Variants in SAMD11 observed in about 807,000 individuals in gnomAD.
SAMD11 encodes the protein sterile alpha motif domain containing 11.
SAMD11 carries 77 observed loss-of-function variants against 64.4 expected under a neutral mutation model. The observed-to-expected ratio is 1.20, with a 90% confidence interval of 0.99 to 1.44. The LOEUF (loss-of-function observed/expected upper bound fraction) is 1.44, where lower values mean the gene tolerates loss of function less well. Ranked by LOEUF, SAMD11 falls within the 40% of genes most tolerant of loss-of-function variation. SAMD11 has a pLI of 0.00. For synonymous variants in SAMD11, 658 were observed against 421.9 expected, an observed-to-expected ratio of 1.56 and a Z score of -6.86; for missense variants, 1,402 against 943.3, an observed-to-expected ratio of 1.49 and a Z score of -6.37.
In SAMD11 at chr1:944,001, C is replaced by T. The variant is rs116362966; in HGVS notation, c.2383C>T (p.Leu795Phe). 8.5e-4 allele frequency: 1,370 copies of T among 1,612,864 alleles called. 18 individuals are homozygous for T. In the African/African-American group the frequency reaches 0.015, roughly 17 times the overall value. Residue 795 changes from leucine (L) to phenylalanine (F), a missense_variant, in exon 14 of 14, where the codon CTC (leucine) becomes TTC (phenylalanine). By Grantham distance (22) the Leu-to-Phe change is conservative. Transcript: ENST00000616016. ...PPTLRAPERE[L>F]GTGEQPLSPT... ...AACCCTGCGGGCCCCGGAGCGAGAA[C>T]TCGGCACAGGAGAGCAGCCCTTGTC...
chr1:928,346 T>C (rs1015151362), intron 2 of SAMD11, among the ~76,000 whole-genome samples: 3 of 152,298 alleles, frequency 2.0e-5, no homozygotes, highest in East Asian at 3.9e-4. Context: ...GAGCCCAGAT[T>C]GTGCCACCGC....
chr1:935,597 C>T (rs890151972), intron 4 of SAMD11, among the ~76,000 whole-genome samples, 175 bp from the exon 5 acceptor site: 1 of 152,198 alleles, frequency 6.6e-6, no homozygotes, highest in Non-Finnish European at 1.5e-5. Flanking sequence ...TCGGGTGCTG[C>T]GTGGGTGTGC....
intron 2 of SAMD11, among the ~76,000 whole-genome samples, chr1:927,041 G>A (rs1038413180): frequency 6.6e-6 from 1 of 152,172 alleles, no homozygotes; most frequent in African/African-American, 2.4e-5. Flanking sequence ...CTGTGAAGAC[G>A]GCTGGTCCCT....
rs572231928 is a variant in SAMD11 at position 928,990 on chromosome 1, G to A, written c.610-1165G>A. ...TCTGAGGAGACCCTGGTGACTGAAC[G>A]GAGGAGGGAGTGAGTTAGACGCTCT... On this transcript the variant is annotated intron_variant, in intron 2 of 13. Transcript: ENST00000616016. 3.3e-4 allele frequency among the ~76,000 whole-genome samples: 51 copies of A among 152,334 alleles called. 1 individual carries two copies. The South Asian group carries it at 8.7e-3, about 26-fold the overall frequency.
In SAMD11 at chr1:934,945, G is replaced by C. The variant is rs555085833; in HGVS notation, c.843-827G>C. Among the ~76,000 whole-genome samples, 68 of 142,022 alleles carry C rather than the reference G, an allele frequency of 4.8e-4. 5 individuals carry two copies. The highest frequency in any genetic ancestry group is 1.0e-3 in the African/African-American group (37 of 37,078). 93.2% of individuals were successfully genotyped at this position (142,022 alleles called of 152,430 possible). ...TTACAGGTGGGCGGGGGGGGCGGCTGCGTTACAGGTGGGCGGGCGGTGCTG... is the reference window on the plus strand; with the variant it reads ...TTACAGGTGGGCGGGGGGGGCGGCTCCGTTACAGGTGGGCGGGCGGTGCTG... On this transcript the variant is annotated intron_variant, in intron 4 of 13. Coordinates refer to ENST00000616016, the MANE Select transcript of SAMD11 (RefSeq NM_001385641.1).
intron 9 of SAMD11, 42 bp from the exon 10 acceptor site, chr1:942,368 G>GCCTCGGAC: frequency 8.0e-7 from 1 of 1,252,608 alleles, no homozygotes; most frequent in Non-Finnish European, 1.1e-6. Flanking sequence ...GGCTCGGACC[G>GCCTCGGAC]CCTCGGACCC....
Position 943,827 on chromosome 1 carries a change from A to G in SAMD11, c.2289+19A>G. The G allele has an allele frequency of 6.2e-7, 1 of 1,612,882 alleles. No homozygotes were observed. The highest frequency in any genetic ancestry group is 8.5e-7 in the Non-Finnish European group (1 of 1,179,974). On this transcript the variant is annotated intron_variant, in intron 13 of 13. Transcript: ENST00000616016. Reference sequence around the variant, plus strand: ...GGCCCAGGTGAGACGCTGGGGAGTGAGGTCAGGGTCTCCAGACCACAGCTG... The same window carrying G: ...GGCCCAGGTGAGACGCTGGGGAGTGGGGTCAGGGTCTCCAGACCACAGCTG...
At position 942,555 on chromosome 1, in the gene SAMD11, C is replaced by T; in HGVS notation, c.1554-4C>T. 5 of 1,404,228 alleles carry T rather than the reference C, an allele frequency of 3.6e-6. No homozygotes were observed. The highest frequency in any genetic ancestry group is 4.6e-6 in the Non-Finnish European group (5 of 1,088,822). The allele number at this position is 1,404,228 out of a possible 1,614,324, so 87.0% of individuals were successfully genotyped here. On this transcript the variant is annotated splice_polypyrimidine_tract_variant and splice_region_variant and intron_variant, in intron 10 of 13. Transcript: ENST00000616016. ...CGGCTGACCCGCGTCTGCCCCCGGC[C>T]CAGGCTGGAGCTGCCCGCCGACCTC... is the stretch of plus-strand genomic sequence containing the variant.
At chr1:929,115 G>A (rs566301671) in intron 2 of SAMD11, among the ~76,000 whole-genome samples, 1 of 152,362 alleles carries the variant, frequency 6.6e-6, no homozygotes, top group East Asian at 1.9e-4. Flanking sequence ...TTATCCCTGG[G>A]GGTGGCAGGA....
At chr1:931,722 T>C (rs938988777) in intron 4 of SAMD11, among the ~76,000 whole-genome samples, 1 of 152,204 alleles carries the variant, frequency 6.6e-6, no homozygotes, top group Non-Finnish European at 1.5e-5. Flanking sequence ...TCTGGAGGCC[T>C]TCCTGGCAGA....
chr1:932,196 C>G (rs1205413299), intron 4 of SAMD11, among the ~76,000 whole-genome samples: 1 of 152,212 alleles, frequency 6.6e-6, no homozygotes, highest in Non-Finnish European at 1.5e-5. Context: ...ATTTTATGAG[C>G]CTTTTACATG....
At position 942,193 on chromosome 1, in the gene SAMD11, G is replaced by A; in HGVS notation, c.1416G>A (p.Leu472=). 2 of 1,394,666 alleles carry A rather than the reference G, an allele frequency of 1.4e-6. No homozygotes were observed. Among genetic ancestry groups the A allele is most frequent in the East Asian group, 2.8e-5 (1 of 35,750 alleles). The allele number at this position is 1,394,666 out of a possible 1,614,324, so 86.4% of individuals were successfully genotyped here. ...LSPQNAPHVA[L]GPHLRPPFLG... ...CGCAGAATGCCCCTCACGTCGCCCT[G>A]GGCCCCCATCTCAGGCCCCCCTTCC... The change falls in exon 9 of 14, where the codon CTG becomes CTA. Residue 472 remains leucine (L), a synonymous_variant. Transcript: ENST00000616016.
rs1354615796 is a variant in SAMD11, at chr1:942,600, A to G, written c.1595A>G (p.Glu532Gly). The change falls in exon 11 of 14, where the codon GAG becomes GGG. Residue 532 changes from glutamate to glycine, a missense_variant. Physicochemically the swap from Glu to Gly is moderately conservative, Grantham distance 98 (BLOSUM62 -2). Coordinates refer to ENST00000616016, the MANE Select transcript of SAMD11 (RefSeq NM_001385641.1). ...GACCTCCTGCGGCAGAAGGAGCTGG[A>G]GAGCGCGCGCCCACAGCTGCTGGCG... is the stretch of plus-strand genomic sequence containing the variant. Reference protein sequence around the residue: ...PADLLRQKELESARPQLLAPE... With the variant: ...PADLLRQKELGSARPQLLAPE... 3.5e-6 allele frequency: 5 copies of G among 1,435,598 alleles called. No individual in the cohort carries two copies. The highest frequency in any genetic ancestry group is 4.5e-6 in the Non-Finnish European group (5 of 1,102,318). 88.9% of individuals were successfully genotyped at this position (1,435,598 alleles called of 1,614,324 possible). A position where few individuals can be genotyped will look rare whatever the true frequency, so the allele number is the denominator to read the frequency against.
intron 13 of SAMD11, 26 bp from the exon 14 acceptor site, chr1:943,882 G>A (rs763097936): frequency 5.0e-6 from 8 of 1,612,844 alleles, no homozygotes; most frequent in South Asian, 1.1e-5. Flanking sequence ...GTGTGCGACA[G>A]CCCCCACCAG....
At chr1:926,085 T>A in intron 2 of SAMD11, 72 bp downstream of exon 2, 1 of 1,467,450 alleles carries the variant, frequency 6.8e-7, no homozygotes, top group Non-Finnish European at 9.4e-7. Flanking sequence ...GTTTTCAGGG[T>A]TTTCAGGATC....
In SAMD11 at chr1:941,313, GGGT is replaced by G; in HGVS notation, c.1358+10_1358+12del. 1 of 1,555,574 alleles carries G rather than the reference GGGT, an allele frequency of 6.4e-7. No homozygotes were observed. The highest frequency in any genetic ancestry group is 2.3e-5 in the East Asian group (1 of 43,330). ...CCCCGTCCTTCTCGGAGAGGTACTG[GGGT>G]GGCTGCCGTTCTCTGCTTGTTTCTG... On this transcript the variant is annotated splice_region_variant and intron_variant, in intron 8 of 13. Coordinates refer to ENST00000616016, the MANE Select transcript of SAMD11 (RefSeq NM_001385641.1).
chr1:941,145 TCTC>T lies in SAMD11; in HGVS notation c.1200_1202del (p.Leu401del). ...TCACTGCTGTTGTCCCCCACCCAGA[TCTC>T]CTGAGGGTCCGGCAGGAGGTGGCGG... is the stretch of plus-strand genomic sequence containing the variant. On this transcript the variant is annotated inframe_deletion and splice_region_variant, in exon 8 of 14. Coordinates refer to ENST00000616016, the MANE Select transcript of SAMD11 (RefSeq NM_001385641.1). 6.3e-7 allele frequency: 1 copy of T among 1,597,038 alleles called. No homozygotes were observed. Among genetic ancestry groups the T allele is most frequent in the Non-Finnish European group, 8.5e-7 (1 of 1,172,860 alleles).
chr1:940,829 C>T (rs1557608598), intron 7 of SAMD11, among the ~76,000 whole-genome samples: 1 of 152,206 alleles, frequency 6.6e-6, no homozygotes, highest in Non-Finnish European at 1.5e-5. Flanking sequence ...CGCTGCCCCG[C>T]AGGCTCTGTG....
Position 943,352 on chromosome 1 carries a change from T to G in SAMD11, c.2153T>G (p.Leu718Arg). ...VDDVCSFVGGLSGCGEYTRVF... is the reference protein window; with the variant it reads ...VDDVCSFVGGRSGCGEYTRVF... ...GACGTCTGCAGCTTCGTGGGGGGCC[T>G]GTCTGGCTGTGGAGAGTACACTCGG... The change falls in exon 12 of 14, where the codon CTG becomes CGG. Residue 718 changes from leucine (L) to arginine (R), a missense_variant. Coordinates refer to ENST00000616016, the MANE Select transcript of SAMD11 (RefSeq NM_001385641.1). The G allele has an allele frequency of 6.3e-7, 1 of 1,587,380 alleles. No individual in the cohort carries two copies. Among genetic ancestry groups the G allele is most frequent in the Non-Finnish European group, 8.6e-7 (1 of 1,165,630 alleles).
Sources: allele counts gnomAD v4.1 joint callset (sites outside exome capture counted in the v4.1 genomes callset), GRCh38; gene constraint gnomAD v4.1.1; transcripts MANE v1.5; gene names NCBI Gene and HGNC (gene_info 2026-07-23, HGNC 2026-07-21).